SH2D5: variants seen among roughly 807,000 people sequenced by gnomAD.
SH2D5 encodes the protein SH2 domain containing 5.
A neutral mutation model predicts 48.2 loss-of-function variants in SH2D5; 45 were observed. That is an observed-to-expected ratio of 0.93 (90% CI 0.73 to 1.20). The LOEUF (loss-of-function observed/expected upper bound fraction) is 1.20, where lower values mean the gene tolerates loss of function less well. Among genes scored for constraint, SH2D5 ranks in the 50% most tolerant of loss-of-function variants. The pLI, the probability that SH2D5 is intolerant of heterozygous loss-of-function variation, is 0.00. For missense variants in SH2D5, 538 were observed against 584.1 expected (o/e 0.92, Z 0.81); for synonymous variants, 230 against 249.8 (o/e 0.92, Z 0.75).
At chr1:20,725,864 C>G (rs2054786837) in intron 5 of SH2D5, 56 bp downstream of exon 5, 2 of 1,595,832 alleles carry the variant, frequency 1.3e-6, no homozygotes, top group Non-Finnish European at 1.7e-6. Flanking sequence ...ACCCTGATGC[C>G]TGGCGCACAG....
In SH2D5 at chr1:20,723,636, C is replaced by T; in HGVS notation, c.898G>A (p.Gly300Ser). The change falls in exon 8 of 10, where the codon GGC (glycine) becomes AGC (serine). Residue 300 changes from glycine (G) to serine (S), a missense_variant. Gly to Ser is a moderately conservative substitution (Grantham distance 56). Coordinates refer to ENST00000444387, the MANE Select transcript of SH2D5 (RefSeq NM_001103161.2). ...SLTENIWAFA[G>S]ISRPCALALL... ...CCAGGCCCTTCCTACCTGGAGATGC[C>T]AGCGAAGGCCCAGATGTTCTCCGTC... 6.2e-7 allele frequency: 1 copy of T among 1,612,540 alleles called. No homozygotes were observed. The highest frequency in any genetic ancestry group is 2.2e-5 in the East Asian group (1 of 44,858).
Position 20,721,909 on chromosome 1 carries a change from C to T in SH2D5, c.1155G>A (p.Met385Ile), listed in dbSNP as rs964034761. ...TERSLFCPLDMGRLNPTYEEQ... is the reference protein window; with the variant it reads ...TERSLFCPLDIGRLNPTYEEQ... Reference sequence around the variant, plus strand: ...CCTCGTAGGTGGGGTTCAGGCGGCCCATGTCGAGGGGACAGAAGAGGCTAC... The same window carrying T: ...CCTCGTAGGTGGGGTTCAGGCGGCCTATGTCGAGGGGACAGAAGAGGCTAC... The change falls in exon 10 of 10, where the codon ATG becomes ATA. Residue 385 changes from methionine to isoleucine, a missense_variant. Met to Ile is a conservative substitution (Grantham distance 10, BLOSUM62 1). Transcript: ENST00000444387. 6.2e-7 allele frequency: 1 copy of T among 1,613,066 alleles called. No homozygotes were observed. The highest frequency in any genetic ancestry group is 1.3e-5 in the African/African-American group (1 of 74,932).
chr1:20,727,457 C>T (rs1357045851), intron 3 of SH2D5, 66 bp downstream of exon 3: 10 of 1,431,618 alleles, frequency 7.0e-6, no homozygotes, highest in Non-Finnish European at 9.6e-6. Flanking sequence ...TGGATCTGGT[C>T]TAGGGGGTTA....
chr1:20,721,841 C>G lies in SH2D5; in HGVS notation c.1223G>C (p.Arg408Pro), dbSNP rs1317180837. ...GPPGRPPRTL[R>P]PLSHAKSEAE... The stretch of plus-strand genomic sequence containing the variant: ...CTCGGACTTGGCATGGCTGAGGGGC[C>G]GGAGAGTCCGGGGCGGCCTGCCTGG... The change falls in exon 10 of 10, where the codon CGG becomes CCG. Residue 408 changes from arginine (R) to proline (P), a missense_variant. Transcript: ENST00000444387. 1 of 1,610,062 alleles carries G rather than the reference C, an allele frequency of 6.2e-7. No homozygotes were observed. Among genetic ancestry groups the G allele is most frequent in the Non-Finnish European group, 8.5e-7 (1 of 1,178,752 alleles).
chr1:20,723,562 G>GA, intron 8 of SH2D5, 64 bp downstream of exon 8: 2 of 1,307,910 alleles, frequency 1.5e-6, no homozygotes, highest in Non-Finnish European at 2.2e-6. Context: ...AGGGGCCTGG[G>GA]AAGCCCATAT....
intron 9 of SH2D5, 32 bp from the exon 10 acceptor site, chr1:20,722,027 C>G (rs1475710069): frequency 1.3e-6 from 2 of 1,598,832 alleles, no homozygotes; most frequent in Non-Finnish European, 8.5e-7. Flanking sequence ...GCTCCAGTCC[C>G]CTTCCCCAGG....
chr1:20,722,860 G>A lies in SH2D5; in HGVS notation c.964C>T (p.Pro322Ser). ...RDVLGAFLLWPELGASGQWCL... is the reference protein window; with the variant it reads ...RDVLGAFLLWSELGASGQWCL... ...CACTGGCCGCTAGCACCCAGCTCAG[G>A]CCACAGCAGGAAGGCCCCCAGCACG... Residue 322 changes from proline (P) to serine (S), a missense_variant, in exon 9 of 10, where the codon CCT becomes TCT. Coordinates refer to ENST00000444387, the MANE Select transcript of SH2D5 (RefSeq NM_001103161.2). 3 of 1,605,494 alleles carry A rather than the reference G, an allele frequency of 1.9e-6. No homozygotes were observed. Among genetic ancestry groups the A allele is most frequent in the Non-Finnish European group, 1.7e-6 (2 of 1,176,496 alleles).
At chr1:20,731,759 TG>T (rs2054915365) in intron 1 of SH2D5, among the ~76,000 whole-genome samples, 1 of 151,444 alleles carries the variant, frequency 6.6e-6, no homozygotes, top group Non-Finnish European at 1.5e-5. Flanking sequence ...CGCTCCAGAG[TG>T]GGCTGCCGGT....
At chr1:20,724,752 T>C (rs948306338) in intron 5 of SH2D5, 117 bp from the exon 6 acceptor site, 10 of 1,260,694 alleles carry the variant, frequency 7.9e-6, no homozygotes, top group Non-Finnish European at 9.5e-6. Flanking sequence ...TCGGAGGCTC[T>C]TCCCATTCTT....
intron 2 of SH2D5, 119 bp downstream of exon 2, chr1:20,727,839 C>T: frequency 2.1e-6 from 2 of 960,848 alleles, no homozygotes; most frequent in Non-Finnish European, 3.3e-6. Context: ...CTCCCCAGCC[C>T]AAGTCAGGCA....
Position 20,728,231 on chromosome 1 carries a change from C to A in SH2D5, c.-42-145G>T, listed in dbSNP as rs183485869. On this transcript the variant is annotated intron_variant, in intron 1 of 9. Transcript: ENST00000444387. The surrounding 1 kb of genome is among the most constrained non-coding windows in gnomAD (Gnocchi z 4.3). ...ATGTCCCGGGCCCTGGGGAGCCAGC[C>A]CAGAAGAAAATGATGACGTCTCTGA... 1.2e-4 allele frequency: 74 copies of A among 595,184 alleles called. No homozygotes were observed. The East Asian group carries it at 2.0e-3, about 16-fold the overall frequency. The allele number at this position is 595,184 out of a possible 1,614,324, so 36.9% of individuals were successfully genotyped here.
rs374549606 is a variant in SH2D5, at chr1:20,726,028, G to A, written c.282C>T (p.Tyr94=). Residue 94 remains tyrosine, a synonymous_variant, in exon 5 of 10, where the codon TAC becomes TAT. Transcript: ENST00000444387. ...GGCAGTCGGCAGGGCACCAGGTGGA[G>A]TAGAGTATGCGCCTCAGGGCATGAG... The part of the protein sequence containing the change: ...LMAHALRRIL[Y]STWCPADCQF... 3.1e-6 allele frequency: 5 copies of A among 1,611,036 alleles called. No homozygotes were observed. The East Asian group carries it at 8.9e-5, about 29-fold the overall frequency.
intron 1 of SH2D5, chr1:20,731,362 T>A (rs1247698769): frequency 6.6e-6 from 1 of 152,364 alleles, no homozygotes. Context: ...GGGTCTAACA[T>A]GGTTGGCTGG....
chr1:20,727,163 G>T, intron 3 of SH2D5, 88 bp from the exon 4 acceptor site: 1 of 1,145,960 alleles, frequency 8.7e-7, no homozygotes, highest in Non-Finnish European at 1.2e-6. Context: ...CCAAAGGCTG[G>T]TCAGCCCACT....
chr1:20,731,584 T>A (rs1344078665), intron 1 of SH2D5: 2 of 150,974 alleles, frequency 1.3e-5, no homozygotes, highest in African/African-American at 4.9e-5. Flanking sequence ...GCATGGGGGG[T>A]AAAGTGATGA....
chr1:20,730,621 CA>C (rs963351477), intron 1 of SH2D5: 6 of 152,462 alleles, frequency 3.9e-5, no homozygotes, highest in African/African-American at 1.4e-4. Flanking sequence ...GCATTCAGCC[CA>C]GGCCTGGAGT....
chr1:20,723,756 CAGA>C lies in SH2D5; in HGVS notation c.800-25_800-23del, dbSNP rs777519202. On this transcript the variant is annotated intron_variant, in intron 7 of 9. Transcript: ENST00000444387. ...GGAACTGTGGAGACCATCCAGGAGT[CAGA>C]AGGAGAGTGGCCGAGCCCTCCCATT... 130 of 1,597,476 alleles carry C rather than the reference CAGA, an allele frequency of 8.1e-5. No individual in the cohort carries two copies. In the Admixed American group the frequency reaches 2.0e-3, roughly 25 times the overall value.
intron 8 of SH2D5, 150 bp from the exon 9 acceptor site, chr1:20,723,065 C>CAA: frequency 2.7e-6 from 2 of 729,216 alleles, no homozygotes; most frequent in Non-Finnish European, 4.0e-6. Flanking sequence ...CCTGTAATCC[C>CAA]AGCACTTTGG....
chr1:20,726,416 G>C (rs2054800152), intron 4 of SH2D5, among the ~76,000 whole-genome samples: 1 of 152,188 alleles, frequency 6.6e-6, no homozygotes, highest in Non-Finnish European at 1.5e-5. Context: ...AGATATGAGG[G>C]CCTCTCGATA....
Sources: gnomAD v4.1 joint callset for allele counts (sites outside exome capture counted in the v4.1 genomes callset) on GRCh38, gnomAD v4.1.1 for gene constraint, Gnocchi (gnomAD v3.1) non-coding constraint, MANE v1.5 for transcripts, NCBI Gene and HGNC (gene_info 2026-07-23, HGNC 2026-07-21) for gene names.